The following FHIT variants were observed in gnomAD, a reference collection of about 807,000 sequenced individuals.
The protein encoded by FHIT is fragile histidine triad diadenosine triphosphatase.
In FHIT, 19 loss-of-function variants were observed where a neutral mutation model predicts 17.9. That is an observed-to-expected ratio of 1.06 (90% CI 0.74 to 1.56). The LOEUF (loss-of-function observed/expected upper bound fraction) is 1.56, where lower values mean the gene tolerates loss of function less well. Ranked by LOEUF, FHIT falls within the 40% of genes most tolerant of loss-of-function variation. The probability of loss-of-function intolerance (pLI) is 0.00; values close to 1 mark genes in which losing one functional copy is unlikely to be tolerated. For synonymous variants in FHIT, 81 were observed against 69.7 expected, an observed-to-expected ratio of 1.16 and a Z score of -0.81; for missense variants, 248 against 189.2, an observed-to-expected ratio of 1.31 and a Z score of -1.82.
At chr3:60,814,737 C>T (rs1701676715) in intron 4 of FHIT, among the ~76,000 whole-genome samples, 1 of 152,118 alleles carries the variant, frequency 6.6e-6, no homozygotes, top group African/African-American at 2.4e-5. Flanking sequence ...AATGGAATTG[C>T]TGGATCGAAT....
chr3:60,315,351 A>G (rs1363041361), intron 5 of FHIT, among the ~76,000 whole-genome samples: 2 of 152,178 alleles, frequency 1.3e-5, no homozygotes, highest in Admixed American at 6.5e-5. Context: ...GCTCTTTTGC[A>G]TATGTATACA....
chr3:61,233,154 T>C (rs149041007), intron 1 of FHIT, among the ~76,000 whole-genome samples: 153 of 152,284 alleles, frequency 1.0e-3, no homozygotes, highest in African/African-American at 3.6e-3. Flanking sequence ...TTCGGTGGTA[T>C]ACATCCAGGT....
intron 5 of FHIT, among the ~76,000 whole-genome samples, chr3:60,281,869 G>A (rs1357275203): frequency 2.6e-5 from 4 of 152,036 alleles, no homozygotes; most frequent in Non-Finnish European, 4.4e-5. Context: ...AAAAAATACT[G>A]TTAAGAGAAT....
At chr3:60,130,815 ATG>A (rs1699528173) in intron 5 of FHIT, among the ~76,000 whole-genome samples, 1 of 66,054 alleles carries the variant, frequency 1.5e-5, no homozygotes, top group Non-Finnish European at 3.8e-5. Context: ...ATATGTGTGT[ATG>A]TGTGTATAGG....
chr3:60,859,205 G>A (rs918682446), intron 3 of FHIT, among the ~76,000 whole-genome samples: 5 of 152,114 alleles, frequency 3.3e-5, no homozygotes, highest in African/African-American at 7.2e-5. Flanking sequence ...TTTTTGGAAC[G>A]AAGCAGACCT....
intron 3 of FHIT, among the ~76,000 whole-genome samples, chr3:60,840,013 C>A (rs184594624): frequency 6.6e-6 from 1 of 152,030 alleles, no homozygotes; most frequent in Admixed American, 6.6e-5. Context: ...TTATTTAGAC[C>A]CGGTGGCGAG....
At chr3:60,314,911 C>T (rs1709099653) in intron 5 of FHIT, among the ~76,000 whole-genome samples, 1 of 152,064 alleles carries the variant, frequency 6.6e-6, no homozygotes, top group African/African-American at 2.4e-5. Flanking sequence ...CAGTGAGAGC[C>T]TGTCTCTATT....
At chr3:59,936,939 C>A (rs1411052473) in intron 7 of FHIT, among the ~76,000 whole-genome samples, 1 of 152,082 alleles carries the variant, frequency 6.6e-6, no homozygotes, top group African/African-American at 2.4e-5. Context: ...ACAAAGAAAC[C>A]AGAAAGTAGA....
intron 4 of FHIT, among the ~76,000 whole-genome samples, chr3:60,820,055 C>A (rs1553738856): frequency 6.6e-6 from 1 of 152,110 alleles, no homozygotes; most frequent in African/African-American, 2.4e-5. Context: ...CACCTGTAAT[C>A]CCTGCACTTT....
chr3:60,233,247 G>A (rs573299504), intron 5 of FHIT, among the ~76,000 whole-genome samples: 1 of 152,142 alleles, frequency 6.6e-6, no homozygotes, highest in South Asian at 2.1e-4. Flanking sequence ...GGCTCAAAAG[G>A]TATTTAATGA....
At chr3:59,988,227 G>A (rs1440181108) in intron 7 of FHIT, among the ~76,000 whole-genome samples, 3 of 152,124 alleles carry the variant, frequency 2.0e-5, no homozygotes, top group East Asian at 1.9e-4. Flanking sequence ...AGTTAACTTC[G>A]TTAAAAATGC....
intron 5 of FHIT, among the ~76,000 whole-genome samples, chr3:60,264,548 C>A (rs1262187005): frequency 6.6e-6 from 1 of 151,846 alleles, no homozygotes; most frequent in African/African-American, 2.4e-5. Flanking sequence ...TTATTTAATC[C>A]TAATAACACT....
intron 5 of FHIT, among the ~76,000 whole-genome samples, chr3:60,448,535 T>C (rs905985232): frequency 4.6e-5 from 7 of 152,152 alleles, no homozygotes; most frequent in African/African-American, 1.7e-4. Flanking sequence ...TCCTCATTCT[T>C]ACGGATAAGG....
chr3:59,993,118 A>G (rs1252196545), intron 7 of FHIT, among the ~76,000 whole-genome samples: 2 of 152,102 alleles, frequency 1.3e-5, no homozygotes, highest in African/African-American at 4.8e-5. Flanking sequence ...AATAGGTAAG[A>G]AAGTTTTCTT....
chr3:61,034,390 A>T (rs2033146260), intron 3 of FHIT, among the ~76,000 whole-genome samples: 1 of 152,176 alleles, frequency 6.6e-6, no homozygotes, highest in African/African-American at 2.4e-5. Context: ...TATCCAGAAT[A>T]TACAGTATAA....
At chr3:60,238,753 C>G (rs777966782) in intron 5 of FHIT, among the ~76,000 whole-genome samples, 2 of 152,058 alleles carry the variant, frequency 1.3e-5, no homozygotes, top group Non-Finnish European at 2.9e-5. Context: ...AAGTTGGCAC[C>G]TGATTCACTT....
At chr3:60,033,189 T>C (rs11130751) in intron 5 of FHIT, among the ~76,000 whole-genome samples, 59,990 of 152,072 alleles carry the variant, frequency 0.39, 13,269 homozygotes, top group Middle Eastern at 0.62. Context: ...AAGAAATTCC[T>C]ATTAATTTTG....
At chr3:60,340,195 T>C (rs1448689243) in intron 5 of FHIT, among the ~76,000 whole-genome samples, 1 of 152,184 alleles carries the variant, frequency 6.6e-6, no homozygotes, top group African/African-American at 2.4e-5. Flanking sequence ...CCTTAAGTAA[T>C]TGAAAATCAT....
rs200219739 is a variant in FHIT at position 61,127,876 on chromosome 3, AAAG to A, written c.-164+72738_-164+72740del. Among the ~76,000 whole-genome samples the A allele has an allele frequency of 1.1e-3, 168 of 152,288 alleles. 4 individuals carry two copies. In the East Asian group the frequency reaches 0.026, roughly 24 times the overall value. ...CAGAGCAAGACTCTGTCTGAAAAAA[AAAG>A]AAGAAGAAGAACTTTGTATTTCCTA... On this transcript the variant is annotated intron_variant, in intron 2 of 9. Coordinates refer to ENST00000492590, the MANE Select transcript of FHIT (RefSeq NM_002012.4).
Sources: gnomAD v4.1 joint callset for allele counts (sites outside exome capture counted in the v4.1 genomes callset) on GRCh38, gnomAD v4.1.1 for gene constraint, MANE v1.5 for transcripts, NCBI Gene and HGNC (gene_info 2026-07-23, HGNC 2026-07-21) for gene names.